The following PIK3C2G variants were observed in gnomAD, a reference collection of about 807,000 sequenced individuals.
The protein encoded by PIK3C2G is phosphatidylinositol-4-phosphate 3-kinase catalytic subunit type 2 gamma, also known as phosphatidylinositol 3-kinase C2 domain-containing subunit gamma.
Under a neutral mutation model 181.1 loss-of-function variants are expected in PIK3C2G, and 168 were observed. The ratio of observed to expected loss-of-function variants is 0.93; its 90% CI spans 0.82 to 1.05. The LOEUF (loss-of-function observed/expected upper bound fraction) is 1.05. Among genes scored for constraint, PIK3C2G ranks in the 50% least tolerant of loss-of-function variants. The probability of loss-of-function intolerance (pLI) is 0.00; values close to 1 mark genes in which losing one functional copy is unlikely to be tolerated. For missense variants in PIK3C2G, 1,869 were observed against 1,732.8 expected (o/e 1.08, Z -1.40); for synonymous variants, 573 against 592.2 (o/e 0.97, Z 0.47).
At chr12:18,252,137 A>G (rs546756525) in intron 1 of PIK3C2G, among the ~76,000 whole-genome samples, 1 of 152,268 alleles carries the variant, frequency 6.6e-6, no homozygotes, top group East Asian at 1.9e-4. Flanking sequence ...TCAGGCAAAT[A>G]TAGAAAAAGG....
chr12:18,628,379 A>G (rs1326870053), intron 31 of PIK3C2G, among the ~76,000 whole-genome samples: 1 of 152,182 alleles, frequency 6.6e-6, no homozygotes, highest in African/African-American at 2.4e-5. Context: ...TTGTACTAAC[A>G]TGCTACTGCT....
chr12:18,710,428 G>T, the PIK3C2G span, among the ~76,000 whole-genome samples: 1 of 151,978 alleles, frequency 6.6e-6, no homozygotes, highest in Non-Finnish European at 1.5e-5. Flanking sequence ...GGATGGAGTA[G>T]CAGGAGAGTT....
intron 18 of PIK3C2G, among the ~76,000 whole-genome samples, chr12:18,462,215 T>C (rs1446761293): frequency 6.6e-6 from 1 of 152,178 alleles, no homozygotes; most frequent in Admixed American, 6.6e-5. Flanking sequence ...CTTCCTTGGG[T>C]AGCCTTTACT....
At chr12:18,443,248 T>A (rs1393968043) in intron 18 of PIK3C2G, among the ~76,000 whole-genome samples, 2 of 152,118 alleles carry the variant, frequency 1.3e-5, no homozygotes, top group Non-Finnish European at 2.9e-5. Flanking sequence ...GAATTAGCAT[T>A]CAGAAAGCAT....
At chr12:18,524,952 C>T (rs755361042) in intron 24 of PIK3C2G, among the ~76,000 whole-genome samples, 2 of 152,038 alleles carry the variant, frequency 1.3e-5, no homozygotes, top group African/African-American at 2.4e-5. Context: ...GAAGAATGTC[C>T]AGCACTAAGT....
intron 28 of PIK3C2G, 81 bp from the exon 29 acceptor site, chr12:18,566,868 G>A: frequency 1.3e-6 from 1 of 768,388 alleles, no homozygotes; most frequent in Non-Finnish European, 2.3e-6. Context: ...ATCTGATACA[G>A]CTGTAACTAC....
rs1421287113 is a variant in PIK3C2G at position 18,634,951 on chromosome 12, C to T, written c.4183-5478C>T. Reference sequence around the variant, plus strand: ...CACCAGTTTTCCAATCACATTCTTTCTAAGCCCCTGATCACCCAGCCAAAC... The same window carrying T: ...CACCAGTTTTCCAATCACATTCTTTTTAAGCCCCTGATCACCCAGCCAAAC... On this transcript the variant is annotated intron_variant, in intron 31 of 32. Coordinates refer to ENST00000538779, the MANE Select transcript of PIK3C2G (RefSeq NM_001288772.2). Among the ~76,000 whole-genome samples the T allele has an allele frequency of 2.6e-5, 4 of 152,272 alleles. No individual in the cohort carries two copies. The East Asian group carries it at 5.8e-4, about 22-fold the overall frequency.
the PIK3C2G span, among the ~76,000 whole-genome samples, chr12:18,662,964 C>T: frequency 3.9e-5 from 6 of 152,004 alleles, no homozygotes. Flanking sequence ...AGCTATAAGG[C>T]ATGTAGAAAC....
intron 24 of PIK3C2G, among the ~76,000 whole-genome samples, chr12:18,536,402 C>T (rs1286273519): frequency 3.3e-5 from 5 of 152,076 alleles, no homozygotes; most frequent in Non-Finnish European, 5.9e-5. Context: ...GAGTCAAGTG[C>T]TCTTATCTCC....
chr12:18,352,627 T>C (rs1232116572), intron 11 of PIK3C2G, among the ~76,000 whole-genome samples: 2 of 152,178 alleles, frequency 1.3e-5, no homozygotes, highest in African/African-American at 4.8e-5. Context: ...TCGCGAGCTG[T>C]TGTTCGGCAT....
chr12:18,545,117 A>G (rs1763871936), intron 25 of PIK3C2G, among the ~76,000 whole-genome samples: 3 of 151,788 alleles, frequency 2.0e-5, no homozygotes, highest in African/African-American at 4.8e-5. Flanking sequence ...TAATGTTGCC[A>G]GAATGTCTTA....
At chr12:18,474,014 G>A (rs1938721327) in intron 18 of PIK3C2G, among the ~76,000 whole-genome samples, 1 of 152,084 alleles carries the variant, frequency 6.6e-6, no homozygotes, top group Admixed American at 6.6e-5. Flanking sequence ...GAGCCACACA[G>A]CAAAAATATT....
the PIK3C2G span, among the ~76,000 whole-genome samples, chr12:18,707,735 C>T: frequency 6.6e-6 from 1 of 152,090 alleles, no homozygotes; most frequent in Non-Finnish European, 1.5e-5. Flanking sequence ...ATAGTGACTA[C>T]CTTGAGTAGG....
At chr12:18,364,546 T>A (rs762044817) in intron 12 of PIK3C2G, among the ~76,000 whole-genome samples, 10 of 152,054 alleles carry the variant, frequency 6.6e-5, no homozygotes, top group Non-Finnish European at 1.5e-4. Context: ...AGACAAAGGG[T>A]CCAGTAAGTG....
Position 18,336,763 on chromosome 12 carries a change from T to C in PIK3C2G, c.1273-1663T>C, listed in dbSNP as rs1205286681. Reference sequence around the variant, plus strand: ...CATCTTTTTACTTTTAGCTCATTAATAAAATCTGTGGACAATTTTTGGAAT... The same window carrying C: ...CATCTTTTTACTTTTAGCTCATTAACAAAATCTGTGGACAATTTTTGGAAT... On this transcript the variant is annotated intron_variant, in intron 8 of 32. Transcript: ENST00000538779. 8.5e-5 allele frequency among the ~76,000 whole-genome samples: 13 copies of C among 152,210 alleles called. 1 individual carries two copies. Among genetic ancestry groups the C allele is most frequent in the Non-Finnish European group, 1.9e-4 (13 of 68,016 alleles).
In PIK3C2G at chr12:18,567,008, T is replaced by C; in HGVS notation, c.3962T>C (p.Leu1321Pro). 6.3e-7 allele frequency: 1 copy of C among 1,589,552 alleles called. No individual in the cohort carries two copies. The highest frequency in any genetic ancestry group is 1.1e-5 in the South Asian group (1 of 90,128). ...TCAGATCACAGAAGATTCAGAGATC[T>C]AAATCATTACATGGAACAGATATTA... ...TNSDHRRFRDLNHYMEQILNV... is the reference protein window; with the variant it reads ...TNSDHRRFRDPNHYMEQILNV... Residue 1321 changes from leucine to proline, a missense_variant, in exon 29 of 33, where the codon CTA becomes CCA. Physicochemically the swap from Leu to Pro is moderately conservative, Grantham distance 98. Coordinates refer to ENST00000538779, the MANE Select transcript of PIK3C2G (RefSeq NM_001288772.2).
chr12:18,394,300 A>C (rs1943725732), intron 15 of PIK3C2G, among the ~76,000 whole-genome samples: 1 of 152,018 alleles, frequency 6.6e-6, no homozygotes, highest in African/African-American at 2.4e-5. Flanking sequence ...CTGTCTACTA[A>C]AAAAAATGAG....
chr12:18,541,992 C>T (rs1384412233), intron 25 of PIK3C2G, among the ~76,000 whole-genome samples: 1 of 151,790 alleles, frequency 6.6e-6, no homozygotes, highest in African/African-American at 2.4e-5. Context: ...ATGAAGCAGT[C>T]TGTACTTGGC....
At chr12:18,421,620 T>C (rs1276060873) in intron 17 of PIK3C2G, among the ~76,000 whole-genome samples, 1 of 152,040 alleles carries the variant, frequency 6.6e-6, no homozygotes, top group Non-Finnish European at 1.5e-5. Context: ...ATGCCACACA[T>C]GACCATGTAA....
Sources: gnomAD v4.1 joint callset for allele counts (sites outside exome capture counted in the v4.1 genomes callset) on GRCh38, gnomAD v4.1.1 for gene constraint, MANE v1.5 for transcripts, NCBI Gene and HGNC (gene_info 2026-07-23, HGNC 2026-07-21) for gene names.